RRP9: variants seen among roughly 807,000 people sequenced by gnomAD.
The protein encoded by RRP9 is ribosomal RNA processing 9, U3 small nucleolar RNA binding protein, also known as U3 small nucleolar RNA-interacting protein 2.
RRP9 carries 35 observed loss-of-function variants against 65.5 expected under a neutral mutation model. That is an observed-to-expected ratio of 0.53 (90% CI 0.41 to 0.71). The LOEUF (loss-of-function observed/expected upper bound fraction) is 0.71. RRP9 is among the 30% of genes least tolerant of loss of function. The probability of loss-of-function intolerance (pLI) is 0.00; values close to 1 mark genes in which losing one functional copy is unlikely to be tolerated. For missense variants in RRP9, 533 were observed against 633.6 expected (o/e 0.84, Z 1.70); for synonymous variants, 254 against 245.0 (o/e 1.04, Z -0.34).
intron 2 of RRP9, among the ~76,000 whole-genome samples, chr3:51,940,646 T>C (rs750033732): frequency 1.3e-5 from 2 of 152,094 alleles, no homozygotes; most frequent in Non-Finnish European, 2.9e-5. Context: ...TCCTGAGTAG[T>C]TGGGACTACA....
chr3:51,938,519 G>A (rs2106676367), intron 2 of RRP9, among the ~76,000 whole-genome samples: 1 of 152,242 alleles, frequency 6.6e-6, no homozygotes, highest in South Asian at 2.1e-4. Context: ...AAAGAGTCAG[G>A]AATCAAAATG....
intron 6 of RRP9, among the ~76,000 whole-genome samples, chr3:51,936,762 A>G (rs1699464293): frequency 6.6e-6 from 1 of 152,182 alleles, no homozygotes; most frequent in African/African-American, 2.4e-5. Context: ...CAGCAGCCAC[A>G]AAGCCCAAAA....
rs1366172707 is a variant in RRP9, at chr3:51,941,831, G to A, written c.37C>T (p.Pro13Ser). ...ATAAARKRGK[P>S]ASGAGAGAGA... ...GCGCCAGCCCCGGCCCCAGAGGCCG[G>A]CTTTCCCCGCTTACGAGCAGCCGCT... The change falls in exon 1 of 15, where the codon CCG (proline) becomes TCG (serine). Residue 13 changes from proline to serine, a missense_variant. Transcript: ENST00000232888. 2 of 1,582,342 alleles carry A rather than the reference G, an allele frequency of 1.3e-6. No homozygotes were observed. Among genetic ancestry groups the A allele is most frequent in the Non-Finnish European group, 1.7e-6 (2 of 1,172,494 alleles).
chr3:51,934,506 A>G lies in RRP9; in HGVS notation c.1226T>C (p.Phe409Ser). 6.2e-7 allele frequency: 1 copy of G among 1,614,014 alleles called. No homozygotes were observed. Among genetic ancestry groups the G allele is most frequent in the Non-Finnish European group, 8.5e-7 (1 of 1,179,930 alleles). ...GTCACAGAGAAGGTCAAGCTGCCGG[A>G]AGCCTTCCCCACACTGCCAAAGCCG... ...CVRLWQCGEG[F>S]RQLDLLCDIP... The change falls in exon 13 of 15, where the codon TTC becomes TCC. Residue 409 changes from phenylalanine (F) to serine (S), a missense_variant. By Grantham distance (155) the Phe-to-Ser change is radical. Coordinates refer to ENST00000232888, the MANE Select transcript of RRP9 (RefSeq NM_004704.5). The surrounding 1 kb of genome is among the most constrained non-coding windows in gnomAD (Gnocchi z 4.1).
chr3:51,934,329 G>T lies in RRP9; in HGVS notation c.1260+143C>A. ...GGAGCAGAGGAGGGAAAGTGGGGAGGGTTCCTGCCAGGCCCTGTGCTAGGA... is the reference window on the plus strand; with the variant it reads ...GGAGCAGAGGAGGGAAAGTGGGGAGTGTTCCTGCCAGGCCCTGTGCTAGGA... On this transcript the variant is annotated intron_variant, in intron 13 of 14. Coordinates refer to ENST00000232888, the MANE Select transcript of RRP9 (RefSeq NM_004704.5). The surrounding 1 kb of genome is among the most constrained non-coding windows in gnomAD (Gnocchi z 4.1). The T allele has an allele frequency of 1.3e-6, 1 of 778,988 alleles. No individual in the cohort carries two copies. Among genetic ancestry groups the T allele is most frequent in the Non-Finnish European group, 2.1e-6 (1 of 485,700 alleles). The allele number at this position is 778,988 out of a possible 1,614,324, so 48.3% of individuals were successfully genotyped here.
chr3:51,938,917 G>C lies in RRP9; in HGVS notation c.171-713C>G, dbSNP rs539251758. ...CTTTACCCTGGGAACAAGGTTCCAA[G>C]CGAACCTTCACTGTTTGGGGATTGG... On this transcript the variant is annotated intron_variant, in intron 2 of 14. Transcript: ENST00000232888. Among the ~76,000 whole-genome samples, 3 of 152,298 alleles carry C rather than the reference G, an allele frequency of 2.0e-5. No homozygotes were observed. In the South Asian group the frequency reaches 6.2e-4, roughly 32 times the overall value.
intron 8 of RRP9, 117 bp downstream of exon 8, chr3:51,936,140 C>G (rs1288739725): frequency 6.5e-6 from 6 of 929,222 alleles, no homozygotes; most frequent in South Asian, 1.4e-5. Flanking sequence ...ACTCGCTACC[C>G]ACTCGCTACC....
rs1233602279 is a variant in RRP9, at chr3:51,935,242, A to C, written c.989T>G (p.Ile330Ser). 6.2e-7 allele frequency: 1 copy of C among 1,614,072 alleles called. No individual in the cohort carries two copies. The highest frequency in any genetic ancestry group is 1.3e-5 in the African/African-American group (1 of 74,922). Residue 330 changes from isoleucine to serine, a missense_variant, in exon 11 of 15, where the codon ATC becomes AGC. Transcript: ENST00000232888. Reference protein sequence around the residue: ...FYGHQGSIDCIHLINEEHMVS... With the variant: ...FYGHQGSIDCSHLINEEHMVS... ...CATGTGCTCCTCATTGATTAGGTGG[A>C]TGCAGTCGATGGAGCCCCTGGAGAA...
At chr3:51,936,195 C>T (rs1210453735) in intron 8 of RRP9, 62 bp downstream of exon 8, 1 of 1,500,226 alleles carries the variant, frequency 6.7e-7, no homozygotes, top group African/African-American at 1.4e-5. Flanking sequence ...GAGGCCAGCA[C>T]TGAGCCTAGA....
In RRP9 at chr3:51,937,250, G is replaced by C; in HGVS notation, c.459C>G (p.Val153=). 6.2e-7 allele frequency: 1 copy of C among 1,614,036 alleles called. No individual in the cohort carries two copies. The highest frequency in any genetic ancestry group is 8.5e-7 in the Non-Finnish European group (1 of 1,179,974). The change falls in exon 6 of 15, where the codon GTC becomes GTG. Residue 153 remains valine, a synonymous_variant. Coordinates refer to ENST00000232888, the MANE Select transcript of RRP9 (RefSeq NM_004704.5). This position sits in a 1 kb window ranked among gnomAD's most constrained non-coding sequence, Gnocchi z 5.0. The stretch of plus-strand genomic sequence containing the variant: ...AGATGGCTGAGTCATCGGGGGTGAC[G>C]ACCAAACATGTGATAGAGAGCTGGT... ...RGHQLSITCL[V]VTPDDSAIFS... is the part of the protein sequence containing the mutation.
rs915075188 is a variant in RRP9, at chr3:51,937,935, A to G, written c.280+160T>C. On this transcript the variant is annotated intron_variant, in intron 3 of 14. Coordinates refer to ENST00000232888, the MANE Select transcript of RRP9 (RefSeq NM_004704.5). This position sits in a 1 kb window ranked among gnomAD's most constrained non-coding sequence, Gnocchi z 5.0. ...CTGCGGGCTCCCCAGGAGGCCCATG[A>G]GAGCTTCTGGCCACCCCCACAGGGC... Among the ~76,000 whole-genome samples, 1 of 152,228 alleles carries G rather than the reference A, an allele frequency of 6.6e-6. No individual in the cohort carries two copies.
intron 8 of RRP9, 105 bp downstream of exon 8, chr3:51,936,152 C>T: frequency 9.4e-7 from 1 of 1,069,458 alleles, no homozygotes. Context: ...CTCGCTACCC[C>T]AGGATGCAGG....
chr3:51,934,043 C>A lies in RRP9; in HGVS notation c.1261-262G>T, dbSNP rs1699422337. Among the ~76,000 whole-genome samples, 1 of 152,176 alleles carries A rather than the reference C, an allele frequency of 6.6e-6. No individual in the cohort carries two copies. Among genetic ancestry groups the A allele is most frequent in the Non-Finnish European group, 1.5e-5 (1 of 68,030 alleles). ...TACACCCAGTATGGCCTGAGGCTGG[C>A]TCCTGGTGGTGGGGCCCTGGAGACC... is the stretch of plus-strand genomic sequence containing the variant. On this transcript the variant is annotated intron_variant, in intron 13 of 14. Coordinates refer to ENST00000232888, the MANE Select transcript of RRP9 (RefSeq NM_004704.5). The surrounding 1 kb of genome is among the most constrained non-coding windows in gnomAD (Gnocchi z 4.1).
chr3:51,933,667 G>T, intron 14 of RRP9, 41 bp downstream of exon 14: 1 of 1,611,834 alleles, frequency 6.2e-7, no homozygotes, highest in South Asian at 1.1e-5. Context: ...GAGCTGTCCA[G>T]CCTGCACCAC....
intron 13 of RRP9, 54 bp from the exon 14 acceptor site, chr3:51,933,835 C>A: frequency 6.5e-7 from 1 of 1,534,160 alleles, no homozygotes; most frequent in South Asian, 1.1e-5. Flanking sequence ...CCACCACCGT[C>A]CTCAGCATCA....
chr3:51,937,909 C>T lies in RRP9; in HGVS notation c.281-173G>A, dbSNP rs1699477865. ...CTGCCTTTACTTATCAGATCAGCCC[C>T]CTGCGGGCTCCCCAGGAGGCCCATG... On this transcript the variant is annotated intron_variant, in intron 3 of 14. Transcript: ENST00000232888. The surrounding 1 kb of genome is among the most constrained non-coding windows in gnomAD (Gnocchi z 5.0). Among the ~76,000 whole-genome samples, 1 of 152,252 alleles carries T rather than the reference C, an allele frequency of 6.6e-6. No individual in the cohort carries two copies.
intron 11 of RRP9, 39 bp downstream of exon 11, chr3:51,935,158 G>A (rs375357497): frequency 1.2e-5 from 20 of 1,611,274 alleles, no homozygotes; most frequent in Middle Eastern, 1.7e-4. Context: ...GCACTCAGGA[G>A]CAGAAGCCGT....
rs1699450538 is a variant in RRP9 at position 51,935,718 on chromosome 3, A to C, written c.736-26T>G. The C allele has an allele frequency of 2.5e-6, 4 of 1,583,190 alleles. No homozygotes were observed. The East Asian group carries it at 8.9e-5, about 35-fold the overall frequency. On this transcript the variant is annotated intron_variant, in intron 8 of 14. Transcript: ENST00000232888. ...CTAAGGGTGCATGGGGAGAGGGCAA[A>C]GGGGACCTGGACTACAGCAGGCGAG...
chr3:51,938,730 G>GTA (rs1400894583), intron 2 of RRP9, among the ~76,000 whole-genome samples: 1 of 152,168 alleles, frequency 6.6e-6, no homozygotes, highest in Non-Finnish European at 1.5e-5. Context: ...AAACAAGAGG[G>GTA]TAAACTGGGA....
Sources: allele counts gnomAD v4.1 joint callset (sites outside exome capture counted in the v4.1 genomes callset), GRCh38; gene constraint gnomAD v4.1.1; non-coding constraint Gnocchi (gnomAD v3.1); transcripts MANE v1.5; gene names NCBI Gene and HGNC (gene_info 2026-07-23, HGNC 2026-07-21).